RBBP4: variants seen among roughly 807,000 people sequenced by gnomAD.
RBBP4 encodes the protein RB binding protein 4, chromatin remodeling factor, also known as histone-binding protein RBBP4.
A neutral mutation model predicts 57.2 loss-of-function variants in RBBP4; 3 were observed. That is an observed-to-expected ratio of 0.05 (90% CI 0.02 to 0.14). RBBP4 has a LOEUF of 0.14. Ranked by LOEUF, RBBP4 falls within the 10% of genes least tolerant of loss-of-function variation. RBBP4 has a pLI of 1.00. For missense variants in RBBP4, 107 were observed against 520.6 expected (o/e 0.21, Z 7.73); for synonymous variants, 151 against 171.5 (o/e 0.88, Z 0.93).
intron 2 of RBBP4, chr1:32,652,583 C>G (rs898533847): frequency 6.5e-6 from 1 of 153,052 alleles, no homozygotes; most frequent in Non-Finnish European, 1.5e-5. Flanking sequence ...CTCTGTTGTC[C>G]AGGCTGGAGT....
chr1:32,668,941 C>T, intron 5 of RBBP4, 31 bp from the exon 6 acceptor site: 1 of 1,613,530 alleles, frequency 6.2e-7, no homozygotes, highest in Non-Finnish European at 8.5e-7. Flanking sequence ...GAGAATCTTC[C>T]TTTTATATAA....
At chr1:32,676,795 T>TATA (rs1649122817) in intron 11 of RBBP4, among the ~76,000 whole-genome samples, 1 of 152,004 alleles carries the variant, frequency 6.6e-6, no homozygotes, top group Non-Finnish European at 1.5e-5. Flanking sequence ...AGAAACTTAA[T>TATA]AGCTGGGCGT....
chr1:32,673,726 G>A (rs1202362539), intron 11 of RBBP4: 3 of 175,772 alleles, frequency 1.7e-5, no homozygotes, highest in South Asian at 9.5e-5. Flanking sequence ...ATGAGCCACC[G>A]CGCCTGGCCT....
chr1:32,653,721 T>G (rs1398960013), intron 2 of RBBP4, among the ~76,000 whole-genome samples: 1 of 136,216 alleles, frequency 7.3e-6, no homozygotes, highest in Admixed American at 8.1e-5. Context: ...TGCAGTCACG[T>G]GATCTCCGCT....
At chr1:32,664,864 C>G (rs12047344) in intron 3 of RBBP4, among the ~76,000 whole-genome samples, 5,873 of 152,086 alleles carry the variant, frequency 0.039, 233 homozygotes, top group East Asian at 0.12. Flanking sequence ...ATAAAGCAAA[C>G]CACACAAATT....
chr1:32,676,371 G>C (rs944407455), intron 11 of RBBP4, among the ~76,000 whole-genome samples: 1 of 152,112 alleles, frequency 6.6e-6, no homozygotes, highest in Non-Finnish European at 1.5e-5. Context: ...TTGGGAGGCC[G>C]AGGTGGGCAG....
In RBBP4 at chr1:32,679,497, G is replaced by A. The variant is rs1322699550; in HGVS notation, c.1213-143G>A. ...GTTGTCTCCGGATACTTTCATCCAAGAGTTGAATAGTTGTAACACAGATTG... is the reference window on the plus strand; with the variant it reads ...GTTGTCTCCGGATACTTTCATCCAAAAGTTGAATAGTTGTAACACAGATTG... On this transcript the variant is annotated intron_variant, in intron 11 of 11. Transcript: ENST00000373493. 5 of 600,050 alleles carry A rather than the reference G, an allele frequency of 8.3e-6. No homozygotes were observed. In the East Asian group the frequency reaches 1.3e-4, roughly 16 times the overall value. The allele number at this position is 600,050 out of a possible 1,614,324, so 37.2% of individuals were successfully genotyped here.
intron 11 of RBBP4, 26 bp downstream of exon 11, chr1:32,672,927 G>C: frequency 6.5e-7 from 1 of 1,532,840 alleles, no homozygotes; most frequent in Non-Finnish European, 9.0e-7. Flanking sequence ...TTTATTTTGG[G>C]GAGGTGAAAT....
rs372285843 is a variant in RBBP4 at position 32,680,357 on chromosome 1, G to GTTTTTTTTT, written c.*663_*671dup. The GTTTTTTTTT allele has an allele frequency of 2.6e-6, 2 of 771,604 alleles. No individual in the cohort carries two copies. Among genetic ancestry groups the GTTTTTTTTT allele is most frequent in the Non-Finnish European group, 3.2e-6 (2 of 622,250 alleles). The allele number at this position is 771,604 out of a possible 1,614,324, so 47.8% of individuals were successfully genotyped here. A position where few individuals can be genotyped will look rare whatever the true frequency, so the allele number is the denominator to read the frequency against. ...AATGGTGTTTTTTTTTTTGTTGTTG[G>GTTTTTTTTT]TTTTTTTTTTTTTTTTTTTAACTTG... On this transcript the variant is annotated 3_prime_UTR_variant, in exon 12 of 12. Coordinates refer to ENST00000373493, the MANE Select transcript of RBBP4 (RefSeq NM_005610.3).
chr1:32,658,558 T>TTA (rs1553194245), intron 3 of RBBP4, among the ~76,000 whole-genome samples: 3 of 151,174 alleles, frequency 2.0e-5, no homozygotes, highest in Non-Finnish European at 4.4e-5. Flanking sequence ...TCCTTTTTTT[T>TTA]TTTTTGGAGA....
chr1:32,658,044 G>T (rs1042637017), intron 3 of RBBP4, among the ~76,000 whole-genome samples: 2 of 151,978 alleles, frequency 1.3e-5, no homozygotes, highest in Admixed American at 6.6e-5. Flanking sequence ...GTGGAGACAG[G>T]GTTTCACCAA....
intron 2 of RBBP4, 132 bp from the exon 3 acceptor site, chr1:32,657,295 A>G: frequency 1.2e-6 from 1 of 841,462 alleles, no homozygotes; most frequent in South Asian, 1.9e-5. Context: ...AAAGAAAGAA[A>G]AGACCCTTAA....
intron 11 of RBBP4, among the ~76,000 whole-genome samples, chr1:32,677,147 A>G (rs1305402983): frequency 6.6e-6 from 1 of 152,062 alleles, no homozygotes; most frequent in Non-Finnish European, 1.5e-5. Flanking sequence ...GTTCCTAGTG[A>G]TCCACTTTGG....
At chr1:32,660,004 G>A (rs1403118713) in intron 3 of RBBP4, among the ~76,000 whole-genome samples, 1 of 152,224 alleles carries the variant, frequency 6.6e-6, no homozygotes, top group Non-Finnish European at 1.5e-5. Context: ...AACAGCGTAT[G>A]TATTTATGTC....
intron 8 of RBBP4, among the ~76,000 whole-genome samples, chr1:32,670,971 C>T (rs961602604): frequency 3.9e-5 from 6 of 152,144 alleles, no homozygotes; most frequent in South Asian, 2.1e-4. Context: ...TTGCTTGTGA[C>T]GGTATTCTTG....
chr1:32,652,779 C>G (rs1244175202), intron 2 of RBBP4, among the ~76,000 whole-genome samples: 1 of 152,148 alleles, frequency 6.6e-6, no homozygotes. Context: ...CCCCTGACCT[C>G]TGGTGATCCG....
intron 8 of RBBP4, among the ~76,000 whole-genome samples, chr1:32,670,930 G>C (rs1027294480): frequency 2.6e-5 from 4 of 152,180 alleles, no homozygotes; most frequent in African/African-American, 9.7e-5. Context: ...CCACCTTGGT[G>C]AACATTTTAT....
chr1:32,677,853 C>T (rs1649172558), intron 11 of RBBP4, among the ~76,000 whole-genome samples: 1 of 152,192 alleles, frequency 6.6e-6, no homozygotes. Flanking sequence ...ATCCTGTCCT[C>T]TGCAGTACCT....
At position 32,682,173 on chromosome 1, in the gene RBBP4, A is replaced by T; in HGVS notation, c.*2468A>T. 3.2e-6 allele frequency: 1 copy of T among 308,676 alleles called. No homozygotes were observed. 19.1% of individuals were successfully genotyped at this position (308,676 alleles called of 1,614,324 possible). ...TACACAATCTGATCAACACAAAGGTAGTTAGTAGATCATTAACCTCAATTG... is the reference window on the plus strand; with the variant it reads ...TACACAATCTGATCAACACAAAGGTTGTTAGTAGATCATTAACCTCAATTG... On this transcript the variant is annotated 3_prime_UTR_variant, in exon 12 of 12. Coordinates refer to ENST00000373493, the MANE Select transcript of RBBP4 (RefSeq NM_005610.3).
Sources: allele counts gnomAD v4.1 joint callset (sites outside exome capture counted in the v4.1 genomes callset), GRCh38; gene constraint gnomAD v4.1.1; transcripts MANE v1.5; gene names NCBI Gene and HGNC (gene_info 2026-07-23, HGNC 2026-07-21).